SKAP1: variants seen among roughly 807,000 people sequenced by gnomAD.
SKAP1 encodes src kinase associated phosphoprotein 1.
In SKAP1, 44 loss-of-function variants were observed where a neutral mutation model predicts 58.5. The observed-to-expected ratio is 0.75, with a 90% CI of 0.59 to 0.97. The LOEUF is 0.97. Among genes scored for constraint, SKAP1 ranks in the 50% least tolerant of loss-of-function variants. The pLI, the probability that SKAP1 is intolerant of heterozygous loss-of-function variation, is 0.00. For synonymous variants in SKAP1, 127 were observed against 149.7 expected, an observed-to-expected ratio of 0.85 and a Z score of 1.11; for missense variants, 390 against 435.2, an observed-to-expected ratio of 0.90 and a Z score of 0.92.
intron 2 of SKAP1, 85 bp downstream of exon 2, chr17:48,396,595 A>C: frequency 1.2e-6 from 1 of 816,760 alleles, no homozygotes; most frequent in South Asian, 1.6e-5. Context: ...TATGATAGGT[A>C]TGTCTTACCT....
chr17:48,283,686 C>A (rs8078964), intron 4 of SKAP1, among the ~76,000 whole-genome samples: 3,278 of 152,172 alleles, frequency 0.022, 106 homozygotes, highest in African/African-American at 0.073. Context: ...CTGAAGTGAG[C>A]GACGGCTGGA....
At chr17:48,159,509 T>C (rs2064038773) in intron 11 of SKAP1, among the ~76,000 whole-genome samples, 2 of 152,194 alleles carry the variant, frequency 1.3e-5, no homozygotes, top group South Asian at 4.1e-4. Flanking sequence ...GACACCACTT[T>C]CCGGGACTAA....
intron 4 of SKAP1, among the ~76,000 whole-genome samples, chr17:48,343,563 G>T (rs1010352811): frequency 2.0e-5 from 3 of 151,942 alleles, no homozygotes; most frequent in Non-Finnish European, 4.4e-5. Flanking sequence ...TTAATTTCAT[G>T]CATAGAACTA....
upstream of SKAP1, among the ~76,000 whole-genome samples, chr17:48,431,056 CAAAAT>C (rs1322914227): frequency 2.6e-5 from 4 of 151,998 alleles, no homozygotes; most frequent in African/African-American, 9.7e-5. Context: ...CTATAATTCT[CAAAAT>C]AAAGAGGTTT....
At chr17:48,206,992 A>G (rs2064818413) in intron 4 of SKAP1, among the ~76,000 whole-genome samples, 1 of 152,180 alleles carries the variant, frequency 6.6e-6, no homozygotes, top group South Asian at 2.1e-4. Flanking sequence ...TTATTTTGAT[A>G]AAAATAAAAA....
chr17:48,393,004 G>A (rs1411492157), intron 2 of SKAP1, among the ~76,000 whole-genome samples: 1 of 151,970 alleles, frequency 6.6e-6, no homozygotes, highest in East Asian at 1.9e-4. Flanking sequence ...TCAAGTGTCT[G>A]AGCACAGATC....
chr17:48,304,290 T>C (rs1958624305), intron 4 of SKAP1, among the ~76,000 whole-genome samples: 1 of 152,220 alleles, frequency 6.6e-6, no homozygotes, highest in African/African-American at 2.4e-5. Flanking sequence ...ACCTGTCTAA[T>C]TCCTGGTTCT....
At chr17:48,392,530 T>C (rs538593199) in intron 2 of SKAP1, among the ~76,000 whole-genome samples, 2 of 152,268 alleles carry the variant, frequency 1.3e-5, no homozygotes, top group African/African-American at 2.4e-5. Flanking sequence ...AGAAGGGCCA[T>C]TGAGAGAGAA....
chr17:48,444,712 T>C, the SKAP1 span, among the ~76,000 whole-genome samples: 13 of 152,178 alleles, frequency 8.5e-5, no homozygotes, highest in Non-Finnish European at 1.9e-4. Context: ...TCGCTGCCTA[T>C]GCAGTCCTCT....
intron 4 of SKAP1, among the ~76,000 whole-genome samples, chr17:48,234,852 T>C (rs555347899): frequency 2.4e-4 from 36 of 152,260 alleles, no homozygotes; most frequent in African/African-American, 8.2e-4. Context: ...AGAACAAGGA[T>C]GAGTTTTGAA....
At chr17:48,353,368 T>C (rs1034505378) in intron 3 of SKAP1, among the ~76,000 whole-genome samples, 1 of 152,202 alleles carries the variant, frequency 6.6e-6, no homozygotes, top group African/African-American at 2.4e-5. Flanking sequence ...GAAAAGCCTT[T>C]GAAAAATATA....
At chr17:48,167,538 G>T (rs980617939) in intron 10 of SKAP1, among the ~76,000 whole-genome samples, 1 of 152,124 alleles carries the variant, frequency 6.6e-6, no homozygotes, top group Non-Finnish European at 1.5e-5. Context: ...AGTGAGAAGG[G>T]GGCCTCAGAG....
chr17:48,180,025 T>C (rs1428805907), intron 9 of SKAP1, 29 bp downstream of exon 9: 12 of 1,544,162 alleles, frequency 7.8e-6, no homozygotes, highest in Non-Finnish European at 1.0e-5. Flanking sequence ...GAAACTAGCA[T>C]AAGATAATCA....
chr17:48,152,204 A>G (rs2063910138), intron 11 of SKAP1, among the ~76,000 whole-genome samples: 1 of 152,180 alleles, frequency 6.6e-6, no homozygotes, highest in Admixed American at 6.5e-5. Flanking sequence ...TCTGTGTTCT[A>G]ATCAATTACC....
At chr17:48,392,892 A>C (rs2067367602) in intron 2 of SKAP1, among the ~76,000 whole-genome samples, 1 of 149,696 alleles carries the variant, frequency 6.7e-6, no homozygotes, top group African/African-American at 2.5e-5. Flanking sequence ...TTTTTTCTTT[A>C]CCCCTCCCCC....
upstream of SKAP1, among the ~76,000 whole-genome samples, chr17:48,431,043 A>T (rs1042863108): frequency 2.6e-5 from 4 of 152,232 alleles, no homozygotes; most frequent in African/African-American, 9.6e-5. Context: ...ACTCTCTGTG[A>T]ATCTATAATT....
rs143281552 is a variant in SKAP1 at position 48,239,829 on chromosome 17, TGA to T, written c.281-50331_281-50330del. The stretch of plus-strand genomic sequence containing the variant: ...CCACCCCCACCAACAGTAATTAGAA[TGA>T]GAGAGAGAGAGAGAGAGACAGAGAG... On this transcript the variant is annotated intron_variant, in intron 4 of 12. Transcript: ENST00000336915. Among the ~76,000 whole-genome samples, 618 of 138,742 alleles carry T rather than the reference TGA, an allele frequency of 4.5e-3. 1 individual carries two copies. The highest frequency in any genetic ancestry group is 7.3e-3 in the Non-Finnish European group (477 of 64,988). The allele number at this position is 138,742 out of a possible 152,430, so 91.0% of individuals were successfully genotyped here.
At chr17:48,303,645 C>G (rs7215877) in intron 4 of SKAP1, among the ~76,000 whole-genome samples, 78 of 152,236 alleles carry the variant, frequency 5.1e-4, no homozygotes, top group African/African-American at 1.8e-3. Flanking sequence ...TGTCAGAAAA[C>G]TATATATGTG....
chr17:48,332,046 A>G (rs1245976569), intron 4 of SKAP1, among the ~76,000 whole-genome samples: 3 of 152,138 alleles, frequency 2.0e-5, no homozygotes, highest in Admixed American at 2.0e-4. Context: ...TAAGTAGAAA[A>G]GTAACTTGTA....
Sources: gnomAD v4.1 joint callset for allele counts (sites outside exome capture counted in the v4.1 genomes callset) on GRCh38, gnomAD v4.1.1 for gene constraint, MANE v1.5 for transcripts, NCBI Gene and HGNC (gene_info 2026-07-23, HGNC 2026-07-21) for gene names.